Variants in ETFDH observed in about 807,000 individuals in gnomAD.
ETFDH encodes the protein electron transfer flavoprotein dehydrogenase.
A neutral mutation model predicts 73.2 loss-of-function variants in ETFDH; 61 were observed. The observed-to-expected ratio is 0.83, with a 90% confidence interval of 0.68 to 1.03. The LOEUF (loss-of-function observed/expected upper bound fraction) is 1.03. Among genes scored for constraint, ETFDH ranks in the 50% least tolerant of loss-of-function variants. The pLI, the probability that ETFDH is intolerant of heterozygous loss-of-function variation, is 0.00. For synonymous variants in ETFDH, 243 were observed against 253.3 expected, an observed-to-expected ratio of 0.96 and a Z score of 0.39; for missense variants, 685 against 745.0, an observed-to-expected ratio of 0.92 and a Z score of 0.94.
chr4:158,686,863 A>C (rs1774018746), intron 5 of ETFDH, among the ~76,000 whole-genome samples: 1 of 152,204 alleles, frequency 6.6e-6, no homozygotes, highest in Non-Finnish European at 1.5e-5. Context: ...GTTCATAGAA[A>C]AATTGGCTCA....
chr4:158,701,681 A>G (rs1376038849), intron 9 of ETFDH, among the ~76,000 whole-genome samples: 1 of 152,164 alleles, frequency 6.6e-6, no homozygotes, highest in Non-Finnish European at 1.5e-5. Context: ...TCTTAATACC[A>G]TCAGCCAAAT....
rs55861035 is a variant in ETFDH, at chr4:158,709,019, T to TTGTGTGTGTG, written c.*522_*531dup. ...GAAGTATGCCCATCCCTGAACAAGT[T>TTGTGTGTGTG]TGTGTGTGTGTGTGTGTGTGTGTGT... On this transcript the variant is annotated 3_prime_UTR_variant, in exon 13 of 13. Transcript: ENST00000511912. The TTGTGTGTGTG allele has an allele frequency of 0.054, 8,092 of 150,496 alleles. 270 individuals are homozygous for TTGTGTGTGTG. The highest frequency in any genetic ancestry group is 0.082 in the African/African-American group (3,111 of 37,826). 9.3% of individuals were successfully genotyped at this position (150,496 alleles called of 1,614,324 possible).
At chr4:158,702,771 A>G (rs961898109) in intron 9 of ETFDH, among the ~76,000 whole-genome samples, 2 of 152,210 alleles carry the variant, frequency 1.3e-5, no homozygotes, top group Non-Finnish European at 2.9e-5. Context: ...TAGTGCTGCA[A>G]TAAATATGAG....
At chr4:158,697,742 A>G in intron 8 of ETFDH, 43 bp downstream of exon 8, 2 of 1,541,808 alleles carry the variant, frequency 1.3e-6, no homozygotes, top group Non-Finnish European at 1.8e-6. Context: ...TGCTAGAGTT[A>G]TATTACCATC....
intron 1 of ETFDH, among the ~76,000 whole-genome samples, chr4:158,673,834 G>C (rs1773645327): frequency 6.6e-6 from 1 of 152,200 alleles, no homozygotes; most frequent in African/African-American, 2.4e-5. Flanking sequence ...CTGCTGGCAT[G>C]AAAGAGGTAG....
At chr4:158,690,446 C>A in intron 6 of ETFDH, 21 bp downstream of exon 6, 2 of 1,327,114 alleles carry the variant, frequency 1.5e-6, no homozygotes, top group Non-Finnish European at 2.2e-6. Flanking sequence ...TTAATAGTTA[C>A]GTGCTTAATA....
chr4:158,680,074 G>A (rs1773805287), intron 1 of ETFDH: 1 of 9,162 alleles, frequency 1.1e-4, no homozygotes. Context: ...GACAGAGTGA[G>A]ACTCTGTCTC....
chr4:158,685,346 G>T, intron 5 of ETFDH, 127 bp downstream of exon 5: 1 of 665,742 alleles, frequency 1.5e-6, no homozygotes. Flanking sequence ...TATAAGATTA[G>T]AAGGAATCTT....
chr4:158,673,598 G>C (rs114653187), intron 1 of ETFDH, among the ~76,000 whole-genome samples: 5 of 152,032 alleles, frequency 3.3e-5, no homozygotes, highest in Non-Finnish European at 7.4e-5. Context: ...GTTAAATTTG[G>C]CTTCCATATA....
At position 158,695,593 on chromosome 4, in the gene ETFDH, G is replaced by T; in HGVS notation, c.781G>T (p.Asp261Tyr). The stretch of plus-strand genomic sequence containing the variant: ...AGCCAAGCAACTATATAAGAAGTTT[G>T]ATTTGAGAGCAAATTGTGAACCTCA... ...HLAKQLYKKF[D>Y]LRANCEPQTY... Residue 261 changes from aspartate to tyrosine, a missense_variant, in exon 7 of 13, where the codon GAT (aspartate) becomes TAT (tyrosine). Asp to Tyr is a radical substitution (Grantham distance 160, BLOSUM62 -3). Around this residue, in one of 3 missense-constraint regions of ETFDH, gnomAD observed 405 missense variants for 399.3 expected, o/e 1.01. Transcript: ENST00000511912. The T allele has an allele frequency of 6.2e-7, 1 of 1,612,210 alleles. No homozygotes were observed. Among genetic ancestry groups the T allele is most frequent in the Non-Finnish European group, 8.5e-7 (1 of 1,178,332 alleles).
intron 2 of ETFDH, 145 bp from the exon 3 acceptor site, chr4:158,682,050 A>G: frequency 1.9e-6 from 2 of 1,039,964 alleles, no homozygotes; most frequent in Non-Finnish European, 2.9e-6. Flanking sequence ...TAATACAGTA[A>G]TATGCTTAAT....
intron 1 of ETFDH, 50 bp from the exon 2 acceptor site, chr4:158,680,417 G>A (rs1167236085): frequency 1.4e-6 from 2 of 1,410,896 alleles, no homozygotes; most frequent in African/African-American, 1.4e-5. Context: ...TCAGTCTACT[G>A]AGGAAAACTA....
At chr4:158,693,471 A>G (rs1380525577) in intron 6 of ETFDH, among the ~76,000 whole-genome samples, 1 of 152,188 alleles carries the variant, frequency 6.6e-6, no homozygotes, top group African/African-American at 2.4e-5. Context: ...TCCCTTGAAC[A>G]CTAAAGGGCA....
intron 6 of ETFDH, among the ~76,000 whole-genome samples, chr4:158,693,858 A>C (rs1774242196): frequency 6.6e-6 from 1 of 152,248 alleles, no homozygotes; most frequent in Non-Finnish European, 1.5e-5. Flanking sequence ...AAACATCGAC[A>C]AGAAAAAAGA....
chr4:158,681,000 T>C (rs1773844166), intron 2 of ETFDH, among the ~76,000 whole-genome samples: 1 of 151,992 alleles, frequency 6.6e-6, no homozygotes, highest in Admixed American at 6.6e-5. Context: ...TACTGGTTTA[T>C]GTATTTACTG....
At chr4:158,684,389 CAAAAAAA>C (rs35572796) in intron 3 of ETFDH, among the ~76,000 whole-genome samples, 196 bp from the exon 4 acceptor site, 1 of 105,506 alleles carries the variant, frequency 9.5e-6, no homozygotes, top group Non-Finnish European at 2.1e-5. Context: ...GACACTGTCT[CAAAAAAA>C]AAAAAAAAAA....
At chr4:158,703,958 G>A (rs184670446) in intron 10 of ETFDH, among the ~76,000 whole-genome samples, 4 of 152,158 alleles carry the variant, frequency 2.6e-5, no homozygotes, top group Non-Finnish European at 5.9e-5. Context: ...AATTAGCTGT[G>A]TGTGGTGGCG....
intron 8 of ETFDH, among the ~76,000 whole-genome samples, chr4:158,698,000 A>G (rs1403130841): frequency 6.6e-6 from 1 of 152,238 alleles, no homozygotes; most frequent in Non-Finnish European, 1.5e-5. Flanking sequence ...AGAAAACTGA[A>G]GTCCAAATAA....
intron 5 of ETFDH, among the ~76,000 whole-genome samples, chr4:158,687,351 A>G (rs1257571741): frequency 1.3e-5 from 2 of 152,168 alleles, no homozygotes; most frequent in Non-Finnish European, 2.9e-5. Context: ...TCAGAGAGAC[A>G]TTGAAGCTTC....
Sources: allele counts gnomAD v4.1 joint callset (sites outside exome capture counted in the v4.1 genomes callset), GRCh38; gene constraint gnomAD v4.1.1; regional missense constraint gnomAD v4.1.1; transcripts MANE v1.5; gene names NCBI Gene and HGNC (gene_info 2026-07-23, HGNC 2026-07-21).